Variants in PCDH11Y observed in about 807,000 individuals in gnomAD.
PCDH11Y encodes protocadherin 11 Y-linked.
For missense variants in PCDH11Y, 12 were observed against 224.8 expected (o/e 0.05, Z 6.05); for synonymous variants, 9 against 83.6 (o/e 0.11, Z 4.87).
chrY:5,338,104 C>T, intron 2 of PCDH11Y: 1 of 340,949 alleles, frequency 2.9e-6, no homozygotes, highest in East Asian at 9.4e-5. Flanking sequence ...TCTCAGTGAG[C>T]CAGTCCACCT....
At chrY:5,327,759 G>A in intron 2 of PCDH11Y, among the ~76,000 whole-genome samples, 1 of 32,004 alleles carries the variant, frequency 3.1e-5, no homozygotes, top group African/African-American at 1.2e-4. Flanking sequence ...AAAATATCTC[G>A]GCCTAATAAG....
At chrY:5,205,965 G>A in intron 2 of PCDH11Y, among the ~76,000 whole-genome samples, 1 of 31,866 alleles carries the variant, frequency 3.1e-5, no homozygotes, top group Non-Finnish European at 7.5e-5. Context: ...ATTTATAGTT[G>A]TGGTTTCCTA....
At chrY:5,587,673 C>T in intron 4 of PCDH11Y, among the ~76,000 whole-genome samples, 1 of 32,164 alleles carries the variant, frequency 3.1e-5, no homozygotes, top group Non-Finnish European at 7.7e-5. Flanking sequence ...ACCCATTTAT[C>T]ATTATATAGT....
chrY:5,570,521 T>C, intron 3 of PCDH11Y, among the ~76,000 whole-genome samples: 1 of 30,402 alleles, frequency 3.3e-5, no homozygotes, highest in Non-Finnish European at 8.0e-5. Flanking sequence ...AATTTTAAAA[T>C]AATTTATATT....
At chrY:5,279,332 G>A (rs1404239796) in intron 2 of PCDH11Y, among the ~76,000 whole-genome samples, 1 of 24,628 alleles carries the variant, frequency 4.1e-5, no homozygotes, top group Admixed American at 3.8e-4. Context: ...CCCGGGAGGC[G>A]GAGGTTGCGG....
chrY:5,268,420 T>TATTA (rs2053030567), intron 2 of PCDH11Y, among the ~76,000 whole-genome samples: 1 of 32,852 alleles, frequency 3.0e-5, no homozygotes, highest in African/African-American at 1.2e-4. Context: ...AGCATTAATG[T>TATTA]ATTAATTATA....
chrY:5,177,757 A>C (rs2052895341), intron 2 of PCDH11Y, among the ~76,000 whole-genome samples: 1 of 32,562 alleles, frequency 3.1e-5, no homozygotes, highest in African/African-American at 1.2e-4. Context: ...AATGGGTATG[A>C]AAAAATGGAA....
downstream of PCDH11Y, among the ~76,000 whole-genome samples, chrY:5,109,128 C>A (rs2124638662): frequency 3.1e-5 from 1 of 32,736 alleles, no homozygotes; most frequent in Non-Finnish European, 7.5e-5. Context: ...GACTTAGCTT[C>A]CTAGAATATT....
chrY:5,502,908 T>G, intron 3 of PCDH11Y, among the ~76,000 whole-genome samples: 2 of 33,147 alleles, frequency 6.0e-5, no homozygotes, highest in Non-Finnish European at 1.5e-4. Context: ...CATCTCACCC[T>G]GAAATAAAAT....
At chrY:5,720,181 C>T (rs2053593500) in intron 4 of PCDH11Y, among the ~76,000 whole-genome samples, 1 of 31,404 alleles carries the variant, frequency 3.2e-5, no homozygotes, top group African/African-American at 1.3e-4. Flanking sequence ...GACTTTGGAC[C>T]GTGAACTTTT....
At chrY:5,159,390 T>C (rs2052872616) in intron 2 of PCDH11Y, among the ~76,000 whole-genome samples, 1 of 31,648 alleles carries the variant, frequency 3.2e-5, no homozygotes, top group Admixed American at 3.0e-4. Context: ...AGTCTAGATA[T>C]TATAAGCGCT....
intron 2 of PCDH11Y, among the ~76,000 whole-genome samples, chrY:5,494,566 A>C (rs2053342074): frequency 6.3e-5 from 2 of 31,544 alleles, no homozygotes; most frequent in Non-Finnish European, 1.5e-4. Flanking sequence ...CACACACACA[A>C]AACTTATATC....
intron 2 of PCDH11Y, among the ~76,000 whole-genome samples, chrY:5,484,321 C>A: frequency 3.2e-5 from 1 of 31,047 alleles, no homozygotes; most frequent in Non-Finnish European, 7.8e-5. Context: ...AAGCATGTAT[C>A]ATTGATAGAT....
At chrY:5,406,388 A>G (rs2053238822) in intron 2 of PCDH11Y, among the ~76,000 whole-genome samples, 1 of 33,157 alleles carries the variant, frequency 3.0e-5, no homozygotes, top group Non-Finnish European at 7.4e-5. Flanking sequence ...CCTAATATGC[A>G]TAAAGTATAT....
At chrY:5,632,365 G>A (rs2053513199) in intron 4 of PCDH11Y, among the ~76,000 whole-genome samples, 1 of 31,029 alleles carries the variant, frequency 3.2e-5, no homozygotes, top group Admixed American at 3.0e-4. Context: ...ATATACATGT[G>A]TACACATACC....
At chrY:5,509,876 C>T in intron 3 of PCDH11Y, among the ~76,000 whole-genome samples, 16 of 29,594 alleles carry the variant, frequency 5.4e-4, no homozygotes, top group Admixed American at 2.8e-3. Context: ...TTTGGCCGGG[C>T]ACGGTGGCTC....
In PCDH11Y at chrY:5,737,209, TA is replaced by T. The variant is rs2053610116; in HGVS notation, c.3353-61del. On this transcript the variant is annotated intron_variant, in intron 4 of 4. Coordinates refer to the PCDH11Y transcript ENST00000400457. ...TTTGTCACAATGATATTTAAGTAGC[TA>T]ATAAAAATATGCCTTTGAAATATAA... 8.3e-6 allele frequency: 3 copies of T among 361,119 alleles called. No homozygotes were observed. The African/African-American group carries it at 2.0e-4, about 24-fold the overall frequency. The allele number at this position is 361,119 out of a possible 400,897, so 90.1% of individuals were successfully genotyped here. A position where few individuals can be genotyped will look rare whatever the true frequency, so the allele number is the denominator to read the frequency against.
At chrY:5,191,595 C>T in intron 2 of PCDH11Y, among the ~76,000 whole-genome samples, 1 of 31,312 alleles carries the variant, frequency 3.2e-5, no homozygotes, top group African/African-American at 1.2e-4. Context: ...GCCCCGCATA[C>T]ATTAAATATT....
intron 3 of PCDH11Y, among the ~76,000 whole-genome samples, chrY:5,521,196 C>T: frequency 3.2e-5 from 1 of 31,691 alleles, no homozygotes; most frequent in African/African-American, 1.2e-4. Flanking sequence ...TTTTTTGAGA[C>T]GGAGTCTTGT....
Sources: gnomAD v4.1 joint callset for allele counts (sites outside exome capture counted in the v4.1 genomes callset) on GRCh38, gnomAD v4.1.1 for gene constraint, MANE v1.5 for transcripts, NCBI Gene and HGNC (gene_info 2026-07-23, HGNC 2026-07-21) for gene names.